Variants in RARB observed in about 807,000 individuals in gnomAD.
RARB encodes the protein HBV-activated protein.
In RARB, 17 loss-of-function variants were observed where a neutral mutation model predicts 51.9. That is an observed-to-expected ratio of 0.33 (90% CI 0.22 to 0.49). The LOEUF (loss-of-function observed/expected upper bound fraction) is 0.49. RARB is among the 20% of genes least tolerant of loss of function. RARB has a pLI of 0.99. For synonymous variants in RARB, 215 were observed against 195.4 expected (o/e 1.10, Z -0.84); for missense variants, 369 against 550.8 (o/e 0.67, Z 3.30).
At chr3:25,427,818 T>G (rs1178903724), upstream of RARB, among the ~76,000 whole-genome samples, 1 of 152,028 alleles carries the variant, frequency 6.6e-6, no homozygotes, top group Non-Finnish European at 1.5e-5. Flanking sequence ...AATACATAAG[T>G]TATAAGGAAT....
At chr3:25,186,885 CTG>C (rs71057702) in intron 5 of RARB, among the ~76,000 whole-genome samples, 11,917 of 113,852 alleles carry the variant, frequency 0.1, 460 homozygotes, top group Middle Eastern at 0.17. Flanking sequence ...AAAGGTAAGC[CTG>C]TGTGTGTGTG....
At chr3:25,054,897 A>C (rs2125301318) in intron 2 of RARB, among the ~76,000 whole-genome samples, 1 of 152,318 alleles carries the variant, frequency 6.6e-6, no homozygotes, top group East Asian at 1.9e-4. Context: ...AATGAAATTG[A>C]ATTCCACTTC....
Position 25,185,197 on chromosome 3 carries a change from G to A in RARB, c.178+10622G>A, listed in dbSNP as rs116773926. Among the ~76,000 whole-genome samples, 998 of 152,110 alleles carry A rather than the reference G, an allele frequency of 6.6e-3. 8 individuals are homozygous for A. Among genetic ancestry groups the A allele is most frequent in the African/African-American group, 0.022 (903 of 41,506 alleles). On this transcript the variant is annotated intron_variant, in intron 5 of 11. Coordinates refer to the RARB transcript ENST00000383772. The stretch of plus-strand genomic sequence containing the variant: ...CTCAAGGGGACAATCCTAAGTTTGG[G>A]TATTAGAAAAGACATTTTTTCATAA...
At chr3:24,872,822 T>C (rs1702972861) in intron 2 of RARB, among the ~76,000 whole-genome samples, 1 of 152,210 alleles carries the variant, frequency 6.6e-6, no homozygotes, top group Non-Finnish European at 1.5e-5. Context: ...CTTCTCTGTA[T>C]AGACTTCTCT....
At chr3:25,304,098 C>T (rs1575297307) in intron 5 of RARB, among the ~76,000 whole-genome samples, 1 of 152,244 alleles carries the variant, frequency 6.6e-6, no homozygotes, top group Admixed American at 6.5e-5. Flanking sequence ...AAAAATAAAA[C>T]ATATATGCAC....
chr3:24,916,941 G>T (rs1013763221), intron 2 of RARB, among the ~76,000 whole-genome samples: 2 of 152,114 alleles, frequency 1.3e-5, no homozygotes, highest in East Asian at 3.8e-4. Flanking sequence ...CTGAGTGGAA[G>T]AAACATAACA....
intron 5 of RARB, among the ~76,000 whole-genome samples, chr3:25,337,964 A>G (rs576126285): frequency 2.0e-5 from 3 of 152,260 alleles, no homozygotes; most frequent in East Asian, 3.9e-4. Flanking sequence ...GCGTAGGTCA[A>G]TTAGATCTAA....
intron 2 of RARB, among the ~76,000 whole-genome samples, chr3:24,981,093 G>A (rs192557055): frequency 5.9e-5 from 9 of 152,302 alleles, no homozygotes; most frequent in East Asian, 1.9e-4. Context: ...TATCACCAGC[G>A]GAGGCTGCAG....
chr3:24,973,911 C>G (rs570199165), intron 2 of RARB, among the ~76,000 whole-genome samples: 1 of 152,136 alleles, frequency 6.6e-6, no homozygotes, highest in East Asian at 1.9e-4. Flanking sequence ...GCTAATTTGA[C>G]TTCCTCCTTT....
At chr3:25,301,776 C>G (rs899251073) in intron 5 of RARB, among the ~76,000 whole-genome samples, 1 of 152,136 alleles carries the variant, frequency 6.6e-6, no homozygotes, top group Non-Finnish European at 1.5e-5. Context: ...ATGGCTTCAG[C>G]CACAGTGGAA....
chr3:25,299,087 A>G (rs1421834302), intron 5 of RARB, among the ~76,000 whole-genome samples: 3 of 152,348 alleles, frequency 2.0e-5, no homozygotes, highest in East Asian at 1.9e-4. Context: ...GTATTAGCCC[A>G]GGTTTACATA....
chr3:25,284,940 C>G (rs905884068), intron 5 of RARB, among the ~76,000 whole-genome samples: 6 of 152,206 alleles, frequency 3.9e-5, no homozygotes, highest in African/African-American at 1.4e-4. Flanking sequence ...AGGGATGACT[C>G]TGCAGTTACC....
intron 2 of RARB, among the ~76,000 whole-genome samples, chr3:24,980,425 G>C (rs72624158): frequency 6.6e-6 from 1 of 152,026 alleles, no homozygotes; most frequent in East Asian, 1.9e-4. Flanking sequence ...TGTAGATTTG[G>C]TCTTTTCACA....
Position 25,327,570 on chromosome 3 carries a change from G to A in RARB, c.179-133623G>A, listed in dbSNP as rs1050928215. 5.9e-5 allele frequency among the ~76,000 whole-genome samples: 9 copies of A among 152,312 alleles called. No individual in the cohort carries two copies. In the East Asian group the frequency reaches 1.2e-3, roughly 20 times the overall value. On this transcript the variant is annotated intron_variant, in intron 5 of 11. Coordinates refer to the RARB transcript ENST00000383772. ...ATGGAATAGAGACGTCTTTAGATACGTAAGGTCTCAGAATGTTTCTCTCCA... is the reference window on the plus strand; with the variant it reads ...ATGGAATAGAGACGTCTTTAGATACATAAGGTCTCAGAATGTTTCTCTCCA...
chr3:25,459,107 C>T (rs910867963), intron 1 of RARB, among the ~76,000 whole-genome samples: 1 of 152,176 alleles, frequency 6.6e-6, no homozygotes, highest in Non-Finnish European at 1.5e-5. Context: ...ATACAAACAT[C>T]TAAAATTTGA....
intron 3 of RARB, among the ~76,000 whole-genome samples, chr3:25,519,549 A>G (rs927494476): frequency 6.6e-6 from 1 of 152,180 alleles, no homozygotes; most frequent in Non-Finnish European, 1.5e-5. Context: ...TTTAATAAAA[A>G]ATTTATTAAG....
intron 2 of RARB, among the ~76,000 whole-genome samples, chr3:24,908,966 A>C (rs1228030381): frequency 6.6e-6 from 1 of 152,104 alleles, no homozygotes; most frequent in African/African-American, 2.4e-5. Flanking sequence ...TGATATGTCA[A>C]TTTGCTGAAG....
intron 3 of RARB, among the ~76,000 whole-genome samples, chr3:25,512,082 G>A (rs570659141): frequency 6.6e-6 from 1 of 152,252 alleles, no homozygotes; most frequent in East Asian, 1.9e-4. Context: ...GAGAGTAATA[G>A]TACCTACTTC....
chr3:25,044,236 C>T (rs1698169492), intron 2 of RARB, among the ~76,000 whole-genome samples: 1 of 152,150 alleles, frequency 6.6e-6, no homozygotes, highest in Non-Finnish European at 1.5e-5. Flanking sequence ...ATGACAGCTG[C>T]AACATTTGAT....
Sources: allele counts gnomAD v4.1 joint callset (sites outside exome capture counted in the v4.1 genomes callset), GRCh38; gene constraint gnomAD v4.1.1; transcripts MANE v1.5; gene names NCBI Gene and HGNC (gene_info 2026-07-23, HGNC 2026-07-21).